The following KCNIP1 variants were observed in gnomAD, a reference collection of about 807,000 sequenced individuals.
KCNIP1 encodes the protein A-type potassium channel modulatory protein KCNIP1.
KCNIP1 carries 18 observed loss-of-function variants against 33.0 expected under a neutral mutation model. That is an observed-to-expected ratio of 0.55 (90% CI 0.38 to 0.81). KCNIP1 has a LOEUF of 0.81. KCNIP1 is among the 30% of genes least tolerant of loss of function. KCNIP1 has a pLI of 0.00. For missense variants in KCNIP1, 238 were observed against 271.6 expected (o/e 0.88, Z 0.87); for synonymous variants, 93 against 98.3 (o/e 0.95, Z 0.32).
rs548692220 is a variant in KCNIP1 at position 170,631,899 on chromosome 5, T to G, written c.62-86859T>G. 7.9e-5 allele frequency among the ~76,000 whole-genome samples: 12 copies of G among 152,328 alleles called. No individual in the cohort carries two copies. The East Asian group carries it at 2.3e-3, about 29-fold the overall frequency. On this transcript the variant is annotated intron_variant, in intron 1 of 7. Coordinates refer to ENST00000328939, the MANE Select transcript of KCNIP1 (RefSeq NM_014592.4). ...TGGCACATACTGGCAGCTGCCTTCA[T>G]GACAGCAAGCCATAGGTCCAAATCC...
chr5:170,591,409 G>A (rs1013952271), intron 1 of KCNIP1, among the ~76,000 whole-genome samples: 3 of 152,210 alleles, frequency 2.0e-5, no homozygotes, highest in Non-Finnish European at 2.9e-5. Context: ...GGCACTTGTC[G>A]AGATCTCCCA....
intron 1 of KCNIP1, among the ~76,000 whole-genome samples, chr5:170,404,566 G>T (rs1412612935): frequency 6.6e-6 from 1 of 152,124 alleles, no homozygotes; most frequent in Non-Finnish European, 1.5e-5. Context: ...ACAGGCTAGT[G>T]ACTATGCCAT....
chr5:170,594,831 G>A (rs1204851168), intron 1 of KCNIP1, among the ~76,000 whole-genome samples: 1 of 152,176 alleles, frequency 6.6e-6, no homozygotes, highest in Non-Finnish European at 1.5e-5. Context: ...TTCTTTATCT[G>A]TAAATTGGAA....
intron 1 of KCNIP1, among the ~76,000 whole-genome samples, chr5:170,668,171 G>A (rs1309668854): frequency 1.3e-5 from 2 of 152,208 alleles, no homozygotes; most frequent in Non-Finnish European, 2.9e-5. Flanking sequence ...ACTCTAAGAG[G>A]TTAAGCATGG....
chr5:170,621,582 C>T (rs1228603627), intron 1 of KCNIP1, among the ~76,000 whole-genome samples: 5 of 152,194 alleles, frequency 3.3e-5, no homozygotes, highest in Non-Finnish European at 7.3e-5. Flanking sequence ...ACCATCATAG[C>T]TCACTGCAGC....
intron 1 of KCNIP1, among the ~76,000 whole-genome samples, chr5:170,630,530 T>C (rs931666322): frequency 1.3e-5 from 2 of 152,166 alleles, no homozygotes; most frequent in African/African-American, 4.8e-5. Flanking sequence ...CCATCAGGAC[T>C]TGGGGGAGGG....
At chr5:170,475,154 G>A (rs1248635045) in intron 1 of KCNIP1, among the ~76,000 whole-genome samples, 1 of 152,186 alleles carries the variant, frequency 6.6e-6, no homozygotes, top group Non-Finnish European at 1.5e-5. Flanking sequence ...TAGCTACAGA[G>A]TGCTGATTGG....
In KCNIP1 at chr5:170,541,716, A is replaced by G. The variant is rs560645311; in HGVS notation, c.61+37083A>G. Reference sequence around the variant, plus strand: ...ATAATGATAAAGTAATGTTGTGAAGAGGGAAAGAGGTTTGCAGTCAGACAG... The same window carrying G: ...ATAATGATAAAGTAATGTTGTGAAGGGGGAAAGAGGTTTGCAGTCAGACAG... On this transcript the variant is annotated intron_variant, in intron 1 of 7. Transcript: ENST00000328939. Among the ~76,000 whole-genome samples the G allele has an allele frequency of 3.3e-5, 5 of 152,010 alleles. No homozygotes were observed. The East Asian group carries it at 9.7e-4, about 29-fold the overall frequency.
intron 1 of KCNIP1, among the ~76,000 whole-genome samples, chr5:170,487,372 AACTGGGTACT>A (rs1434716072): frequency 1.3e-5 from 2 of 152,208 alleles, no homozygotes; most frequent in Non-Finnish European, 2.9e-5. Context: ...TTGACCAAAC[AACTGGGTACT>A]ATGGCCTAGG....
chr5:170,353,966 T>C lies in KCNIP1; in HGVS notation c.88+2T>C. On this transcript the variant is annotated splice_donor_variant, in intron 1 of 7. Transcript: ENST00000377360. LOFTEE classifies it high-confidence loss of function. ...TCATCACTGGGACCCTCAGCAAAGG[T>C]ATGGAAACTGGCCTTGACCCTTGCT... is the stretch of plus-strand genomic sequence containing the variant. 6.2e-7 allele frequency: 1 copy of C among 1,613,680 alleles called. No individual in the cohort carries two copies. Among genetic ancestry groups the C allele is most frequent in the South Asian group, 1.1e-5 (1 of 91,044 alleles).
intron 1 of KCNIP1, among the ~76,000 whole-genome samples, chr5:170,528,162 C>A (rs1431939062): frequency 6.6e-6 from 1 of 152,160 alleles, no homozygotes; most frequent in Non-Finnish European, 1.5e-5. Context: ...GCCAATCCCA[C>A]CCAGGCTGCT....
In KCNIP1 at chr5:170,735,763, A is replaced by C; in HGVS notation, c.608A>C (p.Asp203Ala). The C allele has an allele frequency of 6.2e-7, 1 of 1,614,042 alleles. No individual in the cohort carries two copies. The stretch of plus-strand genomic sequence containing the variant: ...CTTGCCCTCCTTTTTTCCCAGGACG[A>C]CAACATCATGAGGTCTCTCCAGCTG... ...DEFLESCQEDDNIMRSLQLFQ... is the reference protein window; with the variant it reads ...DEFLESCQEDANIMRSLQLFQ... Residue 203 changes from aspartate (D) to alanine (A), a missense_variant, in exon 8 of 8, where the codon GAC (aspartate) becomes GCC (alanine). Asp to Ala is a moderately radical substitution (Grantham distance 126). Coordinates refer to ENST00000328939, the MANE Select transcript of KCNIP1 (RefSeq NM_014592.4).
At chr5:170,514,191 T>C (rs1755040013) in intron 1 of KCNIP1, among the ~76,000 whole-genome samples, 1 of 152,128 alleles carries the variant, frequency 6.6e-6, no homozygotes, top group South Asian at 2.1e-4. Context: ...CCCCATCAGC[T>C]CCTCACCCAT....
chr5:170,459,861 T>C (rs111326275), intron 1 of KCNIP1, among the ~76,000 whole-genome samples: 19,119 of 151,958 alleles, frequency 0.13, 1,274 homozygotes, highest in South Asian at 0.17. Flanking sequence ...CTAAATGAAA[T>C]TGAAACAAAA....
chr5:170,480,869 A>G (rs1756962322), intron 1 of KCNIP1, among the ~76,000 whole-genome samples: 1 of 152,058 alleles, frequency 6.6e-6, no homozygotes, highest in Non-Finnish European at 1.5e-5. Flanking sequence ...ATTTTTTTCC[A>G]GGACTATTAG....
intron 1 of KCNIP1, chr5:170,680,773 G>A (rs2113793247): frequency 3.8e-6 from 1 of 260,056 alleles, no homozygotes; most frequent in Middle Eastern, 1.1e-3. Context: ...GCCAGTGATG[G>A]TTACACTCAG....
At chr5:170,603,203 A>G (rs557875760) in intron 1 of KCNIP1, among the ~76,000 whole-genome samples, 1 of 152,280 alleles carries the variant, frequency 6.6e-6, no homozygotes, top group Non-Finnish European at 1.5e-5. Flanking sequence ...TTGCTTGGCA[A>G]CCTGGCTCAC....
intron 1 of KCNIP1, among the ~76,000 whole-genome samples, chr5:170,638,683 G>T (rs943441726): frequency 6.6e-6 from 1 of 151,892 alleles, no homozygotes; most frequent in African/African-American, 2.4e-5. Context: ...AGCGTCCAAG[G>T]CAACCCTGTG....
At chr5:170,360,827 C>T (rs947790054) in intron 1 of KCNIP1, among the ~76,000 whole-genome samples, 2 of 152,282 alleles carry the variant, frequency 1.3e-5, no homozygotes, top group South Asian at 2.1e-4. Flanking sequence ...CACCTGCAGC[C>T]GAGGAAGGAA....
Sources: gnomAD v4.1 joint callset for allele counts (sites outside exome capture counted in the v4.1 genomes callset) on GRCh38, gnomAD v4.1.1 for gene constraint, MANE v1.5 for transcripts, NCBI Gene and HGNC (gene_info 2026-07-23, HGNC 2026-07-21) for gene names.